Variants in PRKAR2A observed in about 807,000 individuals in gnomAD.
The protein encoded by PRKAR2A is cAMP-dependent protein kinase type II-alpha regulatory subunit.
In PRKAR2A, 29 loss-of-function variants were observed where a neutral mutation model predicts 51.9. The observed-to-expected ratio is 0.56, with a 90% CI of 0.42 to 0.76. The LOEUF is 0.76. Ranked by LOEUF, PRKAR2A falls within the 30% of genes least tolerant of loss-of-function variation. PRKAR2A has a pLI of 0.00. For synonymous variants in PRKAR2A, 178 were observed against 186.2 expected, an observed-to-expected ratio of 0.96 and a Z score of 0.36; for missense variants, 445 against 512.1, an observed-to-expected ratio of 0.87 and a Z score of 1.26.
At chr3:48,805,553 T>C (rs2082666143) in intron 2 of PRKAR2A, among the ~76,000 whole-genome samples, 1 of 152,200 alleles carries the variant, frequency 6.6e-6, no homozygotes, top group Non-Finnish European at 1.5e-5. Flanking sequence ...TATTGCAAGT[T>C]ACTTAACCTC....
chr3:48,824,758 C>A (rs1273049734), intron 1 of PRKAR2A, among the ~76,000 whole-genome samples: 1 of 151,726 alleles, frequency 6.6e-6, no homozygotes, highest in Non-Finnish European at 1.5e-5. Flanking sequence ...ACCAGCCTGG[C>A]CAACATGTGA....
At position 48,805,254 on chromosome 3, in the gene PRKAR2A, A is replaced by G. The variant is rs370470007; in HGVS notation, c.298+2395T>C. On this transcript the variant is annotated intron_variant, in intron 2 of 10. Transcript: ENST00000265563. ...AGAAGCTTTCAGGGAGAAGGGAGAG[A>G]GAATGCTCTGGAAGCAGCCAAGAGA... 7.2e-5 allele frequency among the ~76,000 whole-genome samples: 11 copies of G among 152,236 alleles called. No individual in the cohort carries two copies. In the East Asian group the frequency reaches 1.9e-3, roughly 27 times the overall value.
intron 5 of PRKAR2A, among the ~76,000 whole-genome samples, chr3:48,779,070 G>A (rs951830532): frequency 4.0e-5 from 6 of 151,800 alleles, no homozygotes; most frequent in Admixed American, 1.3e-4. Context: ...CAAGTGCTCC[G>A]CCCACCTGGG....
chr3:48,847,847 G>A lies in PRKAR2A; in HGVS notation c.-251C>T. ...GCGGGGACCGACGGGCAGGCGAGCTGGACGGGCGGGGCAGGCGTCCTGGTT... is the reference window on the plus strand; with the variant it reads ...GCGGGGACCGACGGGCAGGCGAGCTAGACGGGCGGGGCAGGCGTCCTGGTT... On this transcript the variant is annotated 5_prime_UTR_variant, in exon 1 of 11. Coordinates refer to ENST00000265563, the MANE Select transcript of PRKAR2A (RefSeq NM_004157.4). The surrounding 1 kb of genome is among the most constrained non-coding windows in gnomAD (Gnocchi z 4.4). The A allele has an allele frequency of 8.5e-6, 3 of 351,248 alleles. No individual in the cohort carries two copies. The highest frequency in any genetic ancestry group is 1.5e-5 in the Non-Finnish European group (3 of 198,222). 21.8% of individuals were successfully genotyped at this position (351,248 alleles called of 1,614,324 possible).
chr3:48,801,313 C>T (rs1398130210), intron 2 of PRKAR2A, among the ~76,000 whole-genome samples: 1 of 152,030 alleles, frequency 6.6e-6, no homozygotes, highest in Non-Finnish European at 1.5e-5. Context: ...CCACCATACC[C>T]AGCTAAATTT....
At chr3:48,842,922 G>T (rs573621528) in intron 1 of PRKAR2A, among the ~76,000 whole-genome samples, 1 of 152,128 alleles carries the variant, frequency 6.6e-6, no homozygotes, top group Non-Finnish European at 1.5e-5. Context: ...GATGATGCTG[G>T]CCTCATAAAA....
rs1364799261 is a variant in PRKAR2A, at chr3:48,747,628, C to T, written c.*3957G>A. 6.6e-6 allele frequency: 1 copy of T among 152,172 alleles called. No individual in the cohort carries two copies. The highest frequency in any genetic ancestry group is 2.4e-5 in the African/African-American group (1 of 41,428). The allele number at this position is 152,172 out of a possible 1,614,324, so 9.4% of individuals were successfully genotyped here. ...ATTATATATGAAGACTATTGACTAA[C>T]AGGACAATAGCACATGAACCTTTCC... On this transcript the variant is annotated 3_prime_UTR_variant, in exon 11 of 11. Coordinates refer to ENST00000265563, the MANE Select transcript of PRKAR2A (RefSeq NM_004157.4).
At chr3:48,757,406 C>A (rs2081789418) in intron 8 of PRKAR2A, among the ~76,000 whole-genome samples, 1 of 152,166 alleles carries the variant, frequency 6.6e-6, no homozygotes, top group Non-Finnish European at 1.5e-5. Context: ...GGAGTTCAGT[C>A]AAAACTACCA....
At chr3:48,803,565 C>T (rs554334167) in intron 2 of PRKAR2A, among the ~76,000 whole-genome samples, 45 of 152,302 alleles carry the variant, frequency 3.0e-4, no homozygotes, top group African/African-American at 1.0e-3. Context: ...GCTGGGATTA[C>T]AGGCACCTGC....
intron 1 of PRKAR2A, among the ~76,000 whole-genome samples, chr3:48,830,716 A>G (rs1002528725): frequency 1.3e-5 from 2 of 152,154 alleles, no homozygotes; most frequent in Non-Finnish European, 2.9e-5. Context: ...TGTAATATAT[A>G]ATGAAATAAT....
In PRKAR2A at chr3:48,836,572, T is replaced by G. The variant is rs140614226; in HGVS notation, c.262+10763A>C. On this transcript the variant is annotated intron_variant, in intron 1 of 10. Transcript: ENST00000265563. ...ATACAGGGGTAAATTTTCATGACCT[T>G]GGATTTGGCAACGGTTTCTTAAATA... Among the ~76,000 whole-genome samples the G allele has an allele frequency of 3.3e-5, 5 of 151,118 alleles. No individual in the cohort carries two copies. The East Asian group carries it at 9.7e-4, about 29-fold the overall frequency.
Position 48,801,002 on chromosome 3 carries a change from G to C in PRKAR2A, c.298+6647C>G, listed in dbSNP as rs144303965. Among the ~76,000 whole-genome samples, 571 of 151,982 alleles carry C rather than the reference G, an allele frequency of 3.8e-3. 7 individuals carry two copies. Among genetic ancestry groups the C allele is most frequent in the East Asian group, 0.014 (69 of 5,104 alleles). ...ACGGCTTTTCTTTTTGTTGGCTGAG[G>C]CGGACAGTCTCACTCATCGTCCAGA... On this transcript the variant is annotated intron_variant, in intron 2 of 10. Transcript: ENST00000265563.
rs2081660168 is a variant in PRKAR2A at position 48,752,225 on chromosome 3, G to A, written c.1032C>T (p.Asn344=). 5 of 1,614,092 alleles carry A rather than the reference G, an allele frequency of 3.1e-6. No individual in the cohort carries two copies. The highest frequency in any genetic ancestry group is 2.7e-5 in the African/African-American group (2 of 74,948). ...CATAAGCTGAGGCAGCTCTGGGTTT[G>A]TTGGTGACCAGGGCAAGCTCTCCAA... ...QYFGELALVT[N]KPRAASAYAV... Residue 344 remains asparagine (N), a synonymous_variant, in exon 10 of 11, where the codon AAC becomes AAT. Coordinates refer to ENST00000265563, the MANE Select transcript of PRKAR2A (RefSeq NM_004157.4).
intron 1 of PRKAR2A, among the ~76,000 whole-genome samples, chr3:48,841,847 T>C (rs1219981294): frequency 1.3e-5 from 2 of 152,176 alleles, no homozygotes; most frequent in Non-Finnish European, 2.9e-5. Context: ...TCTATAATTA[T>C]GTAGCGCAGC....
intron 1 of PRKAR2A, among the ~76,000 whole-genome samples, chr3:48,846,564 C>G (rs2083466259): frequency 1.3e-5 from 2 of 152,206 alleles, no homozygotes; most frequent in African/African-American, 4.8e-5. Flanking sequence ...TTTGCCCAGG[C>G]TGGTCTCGAA....
intron 2 of PRKAR2A, among the ~76,000 whole-genome samples, chr3:48,801,839 C>T (rs373156534): frequency 6.6e-6 from 1 of 151,718 alleles, no homozygotes; most frequent in South Asian, 2.1e-4. Context: ...AGAGTTCAAG[C>T]GATTCTCCTG....
chr3:48,840,356 A>C (rs2083357636), intron 1 of PRKAR2A, among the ~76,000 whole-genome samples: 1 of 151,584 alleles, frequency 6.6e-6, no homozygotes. Context: ...CTAGCCAGGC[A>C]TGGTGGCACA....
At chr3:48,792,930 A>AAAAC (rs941231071) in intron 3 of PRKAR2A, among the ~76,000 whole-genome samples, 8 of 151,958 alleles carry the variant, frequency 5.3e-5, no homozygotes, top group East Asian at 3.9e-4. Context: ...CTCTGTCTCA[A>AAAAC]AAACAAACAA....
intron 5 of PRKAR2A, among the ~76,000 whole-genome samples, chr3:48,780,813 T>G (rs1452868190): frequency 6.6e-6 from 1 of 152,062 alleles, no homozygotes; most frequent in Middle Eastern, 3.2e-3. Flanking sequence ...TTAGAAAAAT[T>G]TGAATAAGGT....
Sources: allele counts gnomAD v4.1 joint callset (sites outside exome capture counted in the v4.1 genomes callset), GRCh38; gene constraint gnomAD v4.1.1; non-coding constraint Gnocchi (gnomAD v3.1); transcripts MANE v1.5; gene names NCBI Gene and HGNC (gene_info 2026-07-23, HGNC 2026-07-21).